TRPM2: variants seen among roughly 807,000 people sequenced by gnomAD.
The protein encoded by TRPM2 is estrogen-responsive element-associated gene 1 protein.
A neutral mutation model predicts 174.0 loss-of-function variants in TRPM2; 161 were observed. That is an observed-to-expected ratio of 0.93 (90% CI 0.81 to 1.05). The LOEUF (loss-of-function observed/expected upper bound fraction) is 1.05. Ranked by LOEUF, TRPM2 falls within the 50% of genes least tolerant of loss-of-function variation. The probability of loss-of-function intolerance (pLI) is 0.00; values close to 1 mark genes in which losing one functional copy is unlikely to be tolerated. For synonymous variants in TRPM2, 954 were observed against 861.3 expected (o/e 1.11, Z -1.88); for missense variants, 2,057 against 2,038.0 (o/e 1.01, Z -0.18).
intron 12 of TRPM2, among the ~76,000 whole-genome samples, chr21:44,396,005 A>C (rs1465880052): frequency 1.8e-4 from 3 of 16,766 alleles, no homozygotes; most frequent in African/African-American, 6.6e-4. Flanking sequence ...CTGTGGAGGG[A>C]TGTGGAGGCT....
At chr21:44,404,758 G>A (rs950595782) in intron 16 of TRPM2, among the ~76,000 whole-genome samples, 4 of 151,632 alleles carry the variant, frequency 2.6e-5, no homozygotes, top group Admixed American at 1.3e-4. Context: ...GACAGTGATA[G>A]TGATGATAGT....
At chr21:44,406,526 G>T in intron 18 of TRPM2, 68 bp from the exon 19 acceptor site, 1 of 1,522,328 alleles carries the variant, frequency 6.6e-7, no homozygotes. Flanking sequence ...CCGCTGCTGG[G>T]CCTGCCTCTG....
rs778955157 is a variant in TRPM2 at position 44,377,797 on chromosome 21, G to A, written c.1014+24G>A. On this transcript the variant is annotated intron_variant, in intron 7 of 31. Coordinates refer to ENST00000397928, the MANE Select transcript of TRPM2 (RefSeq NM_003307.4). The stretch of plus-strand genomic sequence containing the variant: ...ACGTGAGTATGGCCAGGTGGGAGGG[G>A]GCATGTGTGGGCCCGTCCTGCTGCA... 6 of 1,613,350 alleles carry A rather than the reference G, an allele frequency of 3.7e-6. No individual in the cohort carries two copies. The South Asian group carries it at 6.6e-5, about 18-fold the overall frequency.
At chr21:44,382,349 CGACA>C (rs138998913) in intron 8 of TRPM2, among the ~76,000 whole-genome samples, 2,313 of 152,110 alleles carry the variant, frequency 0.015, 45 homozygotes, top group African/African-American at 0.053. Context: ...ACTGATCGAT[CGACA>C]GACAGACAGA....
intron 15 of TRPM2, 115 bp from the exon 16 acceptor site, chr21:44,401,566 C>T: frequency 9.2e-7 from 1 of 1,089,142 alleles, no homozygotes; most frequent in Non-Finnish European, 1.3e-6. Context: ...GTGCTTTTGC[C>T]TCTAAAAGCA....
Position 44,399,871 on chromosome 21 carries a change from G to A in TRPM2, c.2209-388G>A, listed in dbSNP as rs2049556009. 6.6e-6 allele frequency among the ~76,000 whole-genome samples: 1 copy of A among 152,172 alleles called. No individual in the cohort carries two copies. The highest frequency in any genetic ancestry group is 2.4e-5 in the African/African-American group (1 of 41,452). ...CGGCAGGGCCTGGCTCCCAGCGAGT[G>A]CCCCTTGCACGCTGGGCTTCCTTGG... On this transcript the variant is annotated intron_variant, in intron 14 of 31. Coordinates refer to ENST00000397928, the MANE Select transcript of TRPM2 (RefSeq NM_003307.4). The surrounding 1 kb of genome is among the most constrained non-coding windows in gnomAD (Gnocchi z 4.6).
chr21:44,425,379 A>G (rs558105051), intron 24 of TRPM2: 9 of 423,140 alleles, frequency 2.1e-5, no homozygotes, highest in South Asian at 7.0e-5. Context: ...CTCAAGGAGC[A>G]TATTTGCCCT....
Position 44,400,355 on chromosome 21 carries a change from G to A in TRPM2, c.2305G>A (p.Gly769Ser), listed in dbSNP as rs746169207. The A allele has an allele frequency of 1.2e-5, 19 of 1,611,760 alleles. No individual in the cohort carries two copies. The highest frequency in any genetic ancestry group is 3.3e-5 in the South Asian group (3 of 90,998). The change falls in exon 15 of 32, where the codon GGC becomes AGC. Residue 769 changes from glycine (G) to serine (S), a missense_variant. Gly to Ser is a moderately conservative substitution (Grantham distance 56). Coordinates refer to ENST00000397928, the MANE Select transcript of TRPM2 (RefSeq NM_003307.4). ...CMLAFPLLLT[G>S]LISFREKRLQ... ...GCTGGCCTTCCCGCTGCTCCTCACC[G>A]GCCTCATCTCCTTCAGGTGCTGCAG...
At chr21:44,405,375 C>A in intron 17 of TRPM2, 115 bp downstream of exon 17, 1 of 1,477,858 alleles carries the variant, frequency 6.8e-7, no homozygotes, top group Middle Eastern at 2.3e-4. Context: ...CGTCTGTGAA[C>A]CCTGGATTGT....
At position 44,391,131 on chromosome 21, in the gene TRPM2, C is replaced by G; in HGVS notation, c.1440+106C>G. On this transcript the variant is annotated intron_variant, in intron 10 of 31. Coordinates refer to ENST00000397928, the MANE Select transcript of TRPM2 (RefSeq NM_003307.4). The surrounding 1 kb of genome is among the most constrained non-coding windows in gnomAD (Gnocchi z 5.0). ...CGCATTGTCTGGATCCCAGCCCTTC[C>G]CTTGAGGGTGGGTGACCTGGGCAGC... The G allele has an allele frequency of 6.4e-7, 1 of 1,570,954 alleles. No individual in the cohort carries two copies.
intron 7 of TRPM2, among the ~76,000 whole-genome samples, 180 bp from the exon 8 acceptor site, chr21:44,378,817 G>C (rs2048785046): frequency 4.6e-5 from 7 of 152,198 alleles, no homozygotes; most frequent in Admixed American, 4.6e-4. Flanking sequence ...CCAGTGTGTT[G>C]GGGCAGCTCC....
Position 44,441,774 on chromosome 21 carries a change from C to A in TRPM2, c.4469C>A (p.Thr1490Asn), listed in dbSNP as rs2051515684. Residue 1490 changes from threonine (T) to asparagine (N), a missense_variant, in exon 32 of 32, where the codon ACC (threonine) becomes AAC (asparagine). Transcript: ENST00000397928. ...RRIPLYANHK[T>N]LLQKAAAEFG... Reference sequence around the variant, plus strand: ...ATCCCACTCTATGCGAACCACAAGACCCTCCTCCAGAAGGCAGCCGCTGAG... The same window carrying A: ...ATCCCACTCTATGCGAACCACAAGAACCTCCTCCAGAAGGCAGCCGCTGAG... 6.2e-7 allele frequency: 1 copy of A among 1,611,372 alleles called. No homozygotes were observed.
chr21:44,406,555 G>C, intron 18 of TRPM2, 39 bp from the exon 19 acceptor site: 1 of 1,582,008 alleles, frequency 6.3e-7, no homozygotes, highest in South Asian at 1.1e-5. Flanking sequence ...GAGCATCGGG[G>C]GCCAGGAGAG....
intron 2 of TRPM2, among the ~76,000 whole-genome samples, chr21:44,359,758 T>TATA (rs772030696): frequency 4.3e-4 from 42 of 97,614 alleles, no homozygotes; most frequent in African/African-American, 1.0e-3. Flanking sequence ...TATATATATA[T>TATA]TTTTTTTGAG....
At chr21:44,427,888 G>A (rs45456297) in intron 27 of TRPM2, among the ~76,000 whole-genome samples, 7 of 152,120 alleles carry the variant, frequency 4.6e-5, no homozygotes, top group African/African-American at 1.7e-4. Flanking sequence ...CAGGCGGCCC[G>A]CTCTGGTGTT....
chr21:44,438,752 G>A lies in TRPM2; in HGVS notation c.4168-315G>A, dbSNP rs947618367. The stretch of plus-strand genomic sequence containing the variant: ...GGCGACGCGGGGGCAGGCGCCAGGG[G>A]AGCGGGAAGGGGGTGCCCTGTCACC... On this transcript the variant is annotated intron_variant, in intron 29 of 31. Transcript: ENST00000397928. The surrounding 1 kb of genome is among the most constrained non-coding windows in gnomAD (Gnocchi z 5.9). 1.3e-5 allele frequency among the ~76,000 whole-genome samples: 2 copies of A among 152,200 alleles called. No homozygotes were observed. The highest frequency in any genetic ancestry group is 6.5e-5 in the Admixed American group (1 of 15,294).
chr21:44,391,636 G>C lies in TRPM2; in HGVS notation c.1794+11G>C, dbSNP rs45576736. 7 of 1,560,444 alleles carry C rather than the reference G, an allele frequency of 4.5e-6. No homozygotes were observed. In the Admixed American group the frequency reaches 1.3e-4, roughly 28 times the overall value. ...CACGTCAAGCTCAACGTGCGTGCTG[G>C]TAACGGGGCCCATCCTGGACTCGTC... On this transcript the variant is annotated intron_variant, in intron 11 of 31. Transcript: ENST00000397928. The surrounding 1 kb of genome is among the most constrained non-coding windows in gnomAD (Gnocchi z 5.0).
At chr21:44,373,623 CATTATATGCGACCCGG>C (rs2048608912) in intron 5 of TRPM2, among the ~76,000 whole-genome samples, 2 of 139,080 alleles carry the variant, frequency 1.4e-5, no homozygotes, top group Non-Finnish European at 3.0e-5. Context: ...ATGCGACCTG[CATTATATGCGACCCGG>C]ATAGGCTGAG....
chr21:44,376,109 G>T lies in TRPM2; in HGVS notation c.952+96G>T. The T allele has an allele frequency of 6.9e-7, 1 of 1,445,790 alleles. No individual in the cohort carries two copies. Among genetic ancestry groups the T allele is most frequent in the Non-Finnish European group, 9.4e-7 (1 of 1,066,604 alleles). 89.6% of individuals were successfully genotyped at this position (1,445,790 alleles called of 1,614,324 possible). A position where few individuals can be genotyped will look rare whatever the true frequency, so the allele number is the denominator to read the frequency against. Reference sequence around the variant, plus strand: ...TGGTCACGACCAGGACGTTCAACAGGCCTGGCGTTTGGCAGAGAGTGCAGT... The same window carrying T: ...TGGTCACGACCAGGACGTTCAACAGTCCTGGCGTTTGGCAGAGAGTGCAGT... On this transcript the variant is annotated intron_variant, in intron 6 of 31. Coordinates refer to ENST00000397928, the MANE Select transcript of TRPM2 (RefSeq NM_003307.4). The surrounding 1 kb of genome is among the most constrained non-coding windows in gnomAD (Gnocchi z 4.2).
Sources: allele counts gnomAD v4.1 joint callset (sites outside exome capture counted in the v4.1 genomes callset), GRCh38; gene constraint gnomAD v4.1.1; non-coding constraint Gnocchi (gnomAD v3.1); transcripts MANE v1.5; gene names NCBI Gene and HGNC (gene_info 2026-07-23, HGNC 2026-07-21).